Variants in FBLN1 observed in about 807,000 individuals in gnomAD.
The protein encoded by FBLN1 is fibulin-1.
A neutral mutation model predicts 89.7 loss-of-function variants in FBLN1; 34 were observed. The ratio of observed to expected loss-of-function variants is 0.38; its 90% confidence interval spans 0.29 to 0.50. The LOEUF (loss-of-function observed/expected upper bound fraction) is 0.50, where lower values mean the gene tolerates loss of function less well. Ranked by LOEUF, FBLN1 falls within the 20% of genes least tolerant of loss-of-function variation. The pLI, the probability that FBLN1 is intolerant of heterozygous loss-of-function variation, is 0.92. For synonymous variants in FBLN1, 393 were observed against 391.3 expected, an observed-to-expected ratio of 1.00 and a Z score of -0.05; for missense variants, 777 against 988.1, an observed-to-expected ratio of 0.79 and a Z score of 2.86.
Position 45,577,078 on chromosome 22 carries a change from A to G in FBLN1, c.1942A>G (p.Ile648Val), listed in dbSNP as rs772596849. ...EGNLRDSFDIIKRYMDGMTVG... is the reference protein window; with the variant it reads ...EGNLRDSFDIVKRYMDGMTVG... The stretch of plus-strand genomic sequence containing the variant: ...GAACCTGCGGGACTCTTTTGACATC[A>G]TCAAGCGTTACATGGACGGCATGAC... Residue 648 changes from isoleucine to valine, a missense_variant, in exon 16 of 17, where the codon ATC (isoleucine) becomes GTC (valine). Ile to Val is a conservative substitution (Grantham distance 29). Transcript: ENST00000327858. This position sits in a 1 kb window ranked among gnomAD's most constrained non-coding sequence, Gnocchi z 6.6. 22 of 1,613,974 alleles carry G rather than the reference A, an allele frequency of 1.4e-5. No homozygotes were observed. The highest frequency in any genetic ancestry group is 1.6e-4 in the Middle Eastern group (1 of 6,084).
chr22:45,592,311 A>G (rs1006819630), intron 16 of FBLN1, among the ~76,000 whole-genome samples: 7 of 152,000 alleles, frequency 4.6e-5, no homozygotes, highest in Non-Finnish European at 8.8e-5. Context: ...AGTGCTGACA[A>G]TACTTCCATG....
Position 45,533,170 on chromosome 22 carries a change from G to A in FBLN1, c.646+6G>A. On this transcript the variant is annotated splice_donor_region_variant and intron_variant, in intron 6 of 16. Transcript: ENST00000327858. ...TGATGGTGTCTCCTGTGAAGGTAAT[G>A]TCCCTATCCCAGGTGCCAGCAGGAC... 6.2e-7 allele frequency: 1 copy of A among 1,612,758 alleles called. No individual in the cohort carries two copies. Among genetic ancestry groups the A allele is most frequent in the Non-Finnish European group, 8.5e-7 (1 of 1,178,758 alleles).
At chr22:45,523,559 C>T (rs989125979) in intron 2 of FBLN1, among the ~76,000 whole-genome samples, 18 of 152,278 alleles carry the variant, frequency 1.2e-4, no homozygotes, top group African/African-American at 4.3e-4. Context: ...AAAAAATTAG[C>T]TGGGCATGGT....
rs190394545 is a variant in FBLN1 at position 45,565,914 on chromosome 22, T to G, written c.1698-8597T>G. On this transcript the variant is annotated intron_variant, in intron 14 of 16. Transcript: ENST00000327858. The stretch of plus-strand genomic sequence containing the variant: ...CCGTCTCTACCAAAAATACAAAAAT[T>G]AGCTGGGTATGGTGGCAGGCACCTG... 5.3e-3 allele frequency: 813 copies of G among 154,322 alleles called. 3 individuals carry two copies. Among genetic ancestry groups the G allele is most frequent in the Non-Finnish European group, 7.9e-3 (546 of 69,334 alleles). The allele number at this position is 154,322 out of a possible 1,614,324, so 9.6% of individuals were successfully genotyped here.
At chr22:45,538,216 C>T (rs2088508276) in intron 8 of FBLN1, among the ~76,000 whole-genome samples, 1 of 152,188 alleles carries the variant, frequency 6.6e-6, no homozygotes. Context: ...GTCCCCTTAG[C>T]TTGGGATGCT....
At chr22:45,528,847 C>T (rs190628118) in intron 4 of FBLN1, among the ~76,000 whole-genome samples, 26 of 152,294 alleles carry the variant, frequency 1.7e-4, no homozygotes, top group Admixed American at 7.8e-4. Flanking sequence ...ATCTGAAAGC[C>T]GCTGTCCTGG....
At chr22:45,592,902 A>G (rs1237697745) in intron 16 of FBLN1, among the ~76,000 whole-genome samples, 1 of 152,152 alleles carries the variant, frequency 6.6e-6, no homozygotes, top group South Asian at 2.1e-4. Flanking sequence ...TTCCACTGGT[A>G]TGAGATATTG....
At chr22:45,518,343 A>T (rs989790942) in intron 1 of FBLN1, among the ~76,000 whole-genome samples, 2 of 151,698 alleles carry the variant, frequency 1.3e-5, no homozygotes, top group African/African-American at 4.8e-5. Context: ...GAAGGCAGGG[A>T]CCCTGTCTGG....
At chr22:45,520,486 G>A (rs1373277369) in intron 2 of FBLN1, among the ~76,000 whole-genome samples, 1 of 152,016 alleles carries the variant, frequency 6.6e-6, no homozygotes, top group African/African-American at 2.4e-5. Context: ...ATTACAGCCT[G>A]CCCTAACAAC....
chr22:45,547,589 G>A (rs927888949), intron 12 of FBLN1, among the ~76,000 whole-genome samples: 10 of 151,454 alleles, frequency 6.6e-5, no homozygotes, highest in African/African-American at 2.2e-4. Context: ...AATTAGAGAC[G>A]GGGCCTTGCT....
chr22:45,522,179 G>T (rs927827829), intron 2 of FBLN1, among the ~76,000 whole-genome samples: 1 of 152,018 alleles, frequency 6.6e-6, no homozygotes, highest in Non-Finnish European at 1.5e-5. Context: ...AGAGACGGGA[G>T]TTTCACCATG....
intron 8 of FBLN1, among the ~76,000 whole-genome samples, chr22:45,539,990 GTC>G (rs1474662730): frequency 6.6e-6 from 1 of 152,202 alleles, no homozygotes; most frequent in African/African-American, 2.4e-5. Flanking sequence ...AACAACTTCA[GTC>G]TCTGTGGCAA....
In FBLN1 at chr22:45,550,776, T is replaced by C; in HGVS notation, c.1697+161T>C. 1 of 1,016,666 alleles carries C rather than the reference T, an allele frequency of 9.8e-7. No homozygotes were observed. The allele number at this position is 1,016,666 out of a possible 1,614,324, so 63.0% of individuals were successfully genotyped here. A position where few individuals can be genotyped will look rare whatever the true frequency, so the allele number is the denominator to read the frequency against. On this transcript the variant is annotated intron_variant, in intron 14 of 16. Transcript: ENST00000327858. This position sits in a 1 kb window ranked among gnomAD's most constrained non-coding sequence, Gnocchi z 8.4. ...GATCCCTGGCCCTCAAGCCCCTAAA[T>C]GCTAGTGACACTGGTCTCGGAAAGT...
At chr22:45,506,985 C>T (rs1163232664) in intron 1 of FBLN1, among the ~76,000 whole-genome samples, 1 of 152,212 alleles carries the variant, frequency 6.6e-6, no homozygotes, top group Non-Finnish European at 1.5e-5. Flanking sequence ...TCGTAGGCCC[C>T]ATATGGTTCC....
At position 45,590,754 on chromosome 22, in the gene FBLN1, C is replaced by T. The variant is rs935510193; in HGVS notation, c.1973-9553C>T. ...TAACCTGAGGGATGGGAGTAAGGGG[C>T]CTATCGAGGGCGACTCCAAGTTCCT... On this transcript the variant is annotated intron_variant, in intron 16 of 16. Coordinates refer to ENST00000327858, the MANE Select transcript of FBLN1 (RefSeq NM_006486.3). The surrounding 1 kb of genome is among the most constrained non-coding windows in gnomAD (Gnocchi z 4.1). Among the ~76,000 whole-genome samples the T allele has an allele frequency of 6.6e-6, 1 of 152,008 alleles. No individual in the cohort carries two copies. The highest frequency in any genetic ancestry group is 6.6e-5 in the Admixed American group (1 of 15,264).
At position 45,579,355 on chromosome 22, in the gene FBLN1, G is replaced by A. The variant is rs1218520092; in HGVS notation, c.1972+2247G>A. ...TCTTACAGTGAATCAGGGACACAGT[G>A]GGCAATGGAAAGGAGTCCCAGGGTA... On this transcript the variant is annotated intron_variant, in intron 16 of 16. Coordinates refer to ENST00000327858, the MANE Select transcript of FBLN1 (RefSeq NM_006486.3). The surrounding 1 kb of genome is among the most constrained non-coding windows in gnomAD (Gnocchi z 5.5). Among the ~76,000 whole-genome samples, 1 of 152,268 alleles carries A rather than the reference G, an allele frequency of 6.6e-6. No individual in the cohort carries two copies. The highest frequency in any genetic ancestry group is 2.4e-5 in the African/African-American group (1 of 41,476).
In FBLN1 at chr22:45,562,634, G is replaced by T. The variant is rs1321417116; in HGVS notation, c.1698-11877G>T. Among the ~76,000 whole-genome samples the T allele has an allele frequency of 1.3e-5, 2 of 152,220 alleles. No individual in the cohort carries two copies. The highest frequency in any genetic ancestry group is 2.9e-5 in the Non-Finnish European group (2 of 68,036). ...GTGCCCCTGGGGTGGGGCTCTGCCA[G>T]TGAGCAGGGGACGCACCTCACTCCG... On this transcript the variant is annotated intron_variant, in intron 14 of 16. Transcript: ENST00000327858. This position sits in a 1 kb window ranked among gnomAD's most constrained non-coding sequence, Gnocchi z 7.8.
At chr22:45,546,268 A>G (rs1183332006) in intron 11 of FBLN1, among the ~76,000 whole-genome samples, 1 of 152,006 alleles carries the variant, frequency 6.6e-6, no homozygotes, top group African/African-American at 2.4e-5. Context: ...CCCAGGCTGG[A>G]GTGCAGTGGT....
At chr22:45,505,772 T>A (rs2088010355) in intron 1 of FBLN1, among the ~76,000 whole-genome samples, 1 of 152,108 alleles carries the variant, frequency 6.6e-6, no homozygotes. Context: ...TTATTATTAT[T>A]ATTTTATTTT....
Sources: allele counts gnomAD v4.1 joint callset (sites outside exome capture counted in the v4.1 genomes callset), GRCh38; gene constraint gnomAD v4.1.1; non-coding constraint Gnocchi (gnomAD v3.1); transcripts MANE v1.5; gene names NCBI Gene and HGNC (gene_info 2026-07-23, HGNC 2026-07-21).